The following TBC1D15 variants were observed in gnomAD, a reference collection of about 807,000 sequenced individuals.
TBC1D15 encodes GAP for RAB7.
A neutral mutation model predicts 95.4 loss-of-function variants in TBC1D15; 39 were observed. That is an observed-to-expected ratio of 0.41 (90% CI 0.32 to 0.53). TBC1D15 has a LOEUF of 0.53. Ranked by LOEUF, TBC1D15 falls within the 20% of genes least tolerant of loss-of-function variation. The probability of loss-of-function intolerance (pLI) is 0.29; values close to 1 mark genes in which losing one functional copy is unlikely to be tolerated. For synonymous variants in TBC1D15, 258 were observed against 261.3 expected (o/e 0.99, Z 0.12); for missense variants, 733 against 794.3 (o/e 0.92, Z 0.93).
intron 3 of TBC1D15, among the ~76,000 whole-genome samples, chr12:71,873,418 A>G (rs988878007): frequency 1.3e-5 from 2 of 152,128 alleles, no homozygotes; most frequent in African/African-American, 4.8e-5. Context: ...GATGAATAAT[A>G]TTGTGTATAC....
intron 11 of TBC1D15, 136 bp from the exon 12 acceptor site, chr12:71,913,690 G>C: frequency 5.1e-6 from 3 of 590,910 alleles, no homozygotes; most frequent in Non-Finnish European, 8.8e-6. Flanking sequence ...TTTTCTTGGT[G>C]AACATCAGTG....
chr12:71,889,884 C>T (rs578212764), intron 5 of TBC1D15, among the ~76,000 whole-genome samples: 8 of 152,276 alleles, frequency 5.3e-5, no homozygotes, highest in Non-Finnish European at 7.4e-5. Context: ...TAAGTGAGAA[C>T]ATGTAGTATT....
At chr12:71,909,639 A>T (rs547677710) in intron 11 of TBC1D15, among the ~76,000 whole-genome samples, 16 of 152,316 alleles carry the variant, frequency 1.1e-4, no homozygotes, top group African/African-American at 3.8e-4. Flanking sequence ...GATAAGCTTC[A>T]GTAACCTGGA....
intron 8 of TBC1D15, chr12:71,896,443 A>G: frequency 3.9e-6 from 1 of 253,850 alleles, no homozygotes; most frequent in Non-Finnish European, 6.4e-6. Context: ...TGTCTGCTGT[A>G]GTCTACTGTA....
chr12:71,886,197 C>T (rs1896185851), intron 5 of TBC1D15, among the ~76,000 whole-genome samples: 1 of 152,000 alleles, frequency 6.6e-6, no homozygotes, highest in African/African-American at 2.4e-5. Context: ...AACCTTCCTT[C>T]CTTCCTTCCT....
chr12:71,893,184 G>C (rs1897508955), intron 5 of TBC1D15, 38 bp from the exon 6 acceptor site: 1 of 1,225,646 alleles, frequency 8.2e-7, no homozygotes, highest in Non-Finnish European at 1.2e-6. Context: ...TTGATACAGT[G>C]TGTTAGTATT....
chr12:71,907,115 A>G lies in TBC1D15; in HGVS notation c.1277A>G (p.Tyr426Cys). The part of the protein sequence containing the change: ...LILLHDILMT[Y>C]CMYDFDLGYV... ...TTACTTCATGACATTTTGATGACCT[A>G]CTGTATGTATGATTTTGATTTAGGT... is the stretch of plus-strand genomic sequence containing the variant. Residue 426 changes from tyrosine to cysteine, a missense_variant, in exon 11 of 17, where the codon TAC (tyrosine) becomes TGC (cysteine). Physicochemically the swap from Tyr to Cys is radical, Grantham distance 194. Coordinates refer to ENST00000485960, the MANE Select transcript of TBC1D15 (RefSeq NM_001146213.3). The G allele has an allele frequency of 6.2e-7, 1 of 1,602,976 alleles. No homozygotes were observed. Among genetic ancestry groups the G allele is most frequent in the Non-Finnish European group, 8.5e-7 (1 of 1,173,140 alleles).
At chr12:71,912,451 G>A (rs1198415479) in intron 11 of TBC1D15, among the ~76,000 whole-genome samples, 1 of 152,096 alleles carries the variant, frequency 6.6e-6, no homozygotes, top group Non-Finnish European at 1.5e-5. Context: ...GTGGTGGTAA[G>A]ATGATTGGAC....
intron 1 of TBC1D15, among the ~76,000 whole-genome samples, chr12:71,858,946 C>T (rs1405092131): frequency 2.0e-5 from 3 of 149,626 alleles, no homozygotes; most frequent in Admixed American, 6.7e-5. Flanking sequence ...TAAGAGTTAT[C>T]TTTTCTCCAT....
At chr12:71,882,723 C>T (rs1895455513) in intron 4 of TBC1D15, among the ~76,000 whole-genome samples, 1 of 152,112 alleles carries the variant, frequency 6.6e-6, no homozygotes, top group Non-Finnish European at 1.5e-5. Flanking sequence ...ACAGATAGTT[C>T]ATCTTTGACT....
At chr12:71,846,755 CTTTTTTT>C (rs10651326) in intron 1 of TBC1D15, among the ~76,000 whole-genome samples, 4 of 111,192 alleles carry the variant, frequency 3.6e-5, no homozygotes, top group African/African-American at 1.4e-4. Context: ...TTTTATACAG[CTTTTTTT>C]TTTTTTTTTT....
At chr12:71,850,310 G>A (rs1333993149) in intron 1 of TBC1D15, 1 of 430,558 alleles carries the variant, frequency 2.3e-6, no homozygotes, top group Non-Finnish European at 4.5e-6. Flanking sequence ...TGGCTAGAGT[G>A]GTTTGAAAGA....
chr12:71,890,800 G>A (rs1897080674), intron 5 of TBC1D15, among the ~76,000 whole-genome samples: 1 of 152,162 alleles, frequency 6.6e-6, no homozygotes, highest in South Asian at 2.1e-4. Flanking sequence ...TCATGTTTGT[G>A]TTCTTTGATT....
chr12:71,919,842 T>C (rs560503326), intron 14 of TBC1D15, among the ~76,000 whole-genome samples: 7 of 152,278 alleles, frequency 4.6e-5, no homozygotes, highest in African/African-American at 1.7e-4. Flanking sequence ...AAATGGGTTT[T>C]AAAGGATGAA....
At chr12:71,921,337 G>A (rs761263914) in intron 15 of TBC1D15, 31 bp from the exon 16 acceptor site, 10 of 1,300,824 alleles carry the variant, frequency 7.7e-6, no homozygotes, top group Admixed American at 4.0e-5. Flanking sequence ...ATTCAGTTTC[G>A]ATATCATTTT....
At chr12:71,917,160 T>C (rs554057405) in intron 12 of TBC1D15, among the ~76,000 whole-genome samples, 4 of 152,318 alleles carry the variant, frequency 2.6e-5, no homozygotes, top group Admixed American at 2.6e-4. Flanking sequence ...TTTTGGAGTA[T>C]CACACATCAT....
chr12:71,853,441 G>T (rs140746677), intron 1 of TBC1D15, among the ~76,000 whole-genome samples: 1 of 152,162 alleles, frequency 6.6e-6, no homozygotes, highest in Admixed American at 6.5e-5. Context: ...GATTACAGGC[G>T]TGAGCCACTG....
At chr12:71,846,357 C>CT (rs1422502926) in intron 1 of TBC1D15, among the ~76,000 whole-genome samples, 2 of 151,998 alleles carry the variant, frequency 1.3e-5, no homozygotes, top group African/African-American at 4.8e-5. Flanking sequence ...AACTTTCCTC[C>CT]TTTTTTTTGT....
At chr12:71,856,832 T>C (rs778177785) in intron 1 of TBC1D15, among the ~76,000 whole-genome samples, 2 of 152,188 alleles carry the variant, frequency 1.3e-5, no homozygotes, top group Non-Finnish European at 2.9e-5. Flanking sequence ...GCCTTTTTCA[T>C]TATGTACTCT....
Sources: allele counts gnomAD v4.1 joint callset (sites outside exome capture counted in the v4.1 genomes callset), GRCh38; gene constraint gnomAD v4.1.1; transcripts MANE v1.5; gene names NCBI Gene and HGNC (gene_info 2026-07-23, HGNC 2026-07-21).